The following TDRD3 variants were observed in gnomAD, a reference collection of about 807,000 sequenced individuals.
TDRD3 encodes the protein tudor domain-containing protein 3.
TDRD3 carries 45 observed loss-of-function variants against 86.7 expected under a neutral mutation model. The observed-to-expected ratio is 0.52, with a 90% confidence interval of 0.41 to 0.67. TDRD3 has a LOEUF of 0.67. TDRD3 is among the 30% of genes least tolerant of loss of function. TDRD3 has a pLI of 0.00. For missense variants in TDRD3, 814 were observed against 889.0 expected (o/e 0.92, Z 1.07); for synonymous variants, 298 against 301.7 (o/e 0.99, Z 0.13).
chr13:60,570,776 A>C (rs1958569473), intron 13 of TDRD3, among the ~76,000 whole-genome samples: 1 of 151,640 alleles, frequency 6.6e-6, no homozygotes, highest in Non-Finnish European at 1.5e-5. Flanking sequence ...GGGTGCAGCC[A>C]GATGAGGGGA....
chr13:60,457,215 A>T (rs1162643291), intron 3 of TDRD3, among the ~76,000 whole-genome samples: 1 of 152,172 alleles, frequency 6.6e-6, no homozygotes, highest in Non-Finnish European at 1.5e-5. Flanking sequence ...AGGCTTGATG[A>T]TTCAAATTAA....
At chr13:60,488,617 A>G (rs1956505783) in intron 7 of TDRD3, among the ~76,000 whole-genome samples, 1 of 151,912 alleles carries the variant, frequency 6.6e-6, no homozygotes, top group African/African-American at 2.4e-5. Flanking sequence ...TCTGTTGCCC[A>G]GGGTGGAGTG....
chr13:60,493,257 A>T (rs1481271640), intron 7 of TDRD3, among the ~76,000 whole-genome samples: 1 of 152,140 alleles, frequency 6.6e-6, no homozygotes, highest in East Asian at 1.9e-4. Context: ...TATATAATTT[A>T]TATGTAAGAT....
At chr13:60,550,419 C>G (rs954133256) in intron 12 of TDRD3, among the ~76,000 whole-genome samples, 2 of 152,018 alleles carry the variant, frequency 1.3e-5, no homozygotes, top group Non-Finnish European at 2.9e-5. Flanking sequence ...TTACACTTTT[C>G]TTCTCAATAG....
chr13:60,476,122 T>C (rs1956181700), intron 5 of TDRD3, among the ~76,000 whole-genome samples: 1 of 152,178 alleles, frequency 6.6e-6, no homozygotes, highest in Non-Finnish European at 1.5e-5. Context: ...CCAAGGCTAG[T>C]CTCAAGAAGG....
intron 12 of TDRD3, among the ~76,000 whole-genome samples, chr13:60,548,234 A>G (rs541993182): frequency 2.0e-5 from 3 of 152,304 alleles, no homozygotes; most frequent in African/African-American, 7.2e-5. Flanking sequence ...ATTAAGTCCT[A>G]GCCCACCCTC....
At chr13:60,559,211 G>C (rs9528160) in intron 12 of TDRD3, among the ~76,000 whole-genome samples, 20,815 of 152,018 alleles carry the variant, frequency 0.14, 1,676 homozygotes, top group South Asian at 0.2. Context: ...AAACCTCTGA[G>C]GTCATTACTA....
intron 12 of TDRD3, chr13:60,547,192 C>CA (rs757925968): frequency 2.1e-5 from 20 of 964,606 alleles, no homozygotes; most frequent in African/African-American, 5.3e-5. Flanking sequence ...AAAGTATAAC[C>CA]AAAAAAAATC....
chr13:60,433,866 G>C (rs540649318), intron 1 of TDRD3, among the ~76,000 whole-genome samples: 17 of 152,226 alleles, frequency 1.1e-4, no homozygotes, highest in African/African-American at 4.1e-4. Context: ...TAGATTCACC[G>C]ATTTTACCTG....
intron 1 of TDRD3, among the ~76,000 whole-genome samples, chr13:60,415,167 T>G (rs1427060645): frequency 6.6e-6 from 1 of 152,068 alleles, no homozygotes; most frequent in Non-Finnish European, 1.5e-5. Context: ...TAACAGTGTT[T>G]AGGGAACTAG....
chr13:60,446,136 C>T (rs927325861), intron 3 of TDRD3, among the ~76,000 whole-genome samples: 1 of 152,102 alleles, frequency 6.6e-6, no homozygotes, highest in Admixed American at 6.6e-5. Context: ...TCTGCTTGCT[C>T]TTCCTCATTG....
rs998265185 is a variant in TDRD3 at position 60,514,621 on chromosome 13, A to G, written c.1141+3866A>G. 5.9e-5 allele frequency among the ~76,000 whole-genome samples: 9 copies of G among 152,286 alleles called. No homozygotes were observed. The South Asian group carries it at 8.3e-4, about 14-fold the overall frequency. On this transcript the variant is annotated intron_variant, in intron 10 of 13. Coordinates refer to ENST00000377881, the MANE Select transcript of TDRD3 (RefSeq NM_001146070.2). ...GGGCAGTCCAAGTGGAGGGAGCACTATGTATACAGGCATGGAGGCATCAGA... is the reference window on the plus strand; with the variant it reads ...GGGCAGTCCAAGTGGAGGGAGCACTGTGTATACAGGCATGGAGGCATCAGA...
At chr13:60,561,925 A>AC (rs36079129) in intron 12 of TDRD3, among the ~76,000 whole-genome samples, 41,764 of 151,540 alleles carry the variant, frequency 0.28, 5,940 homozygotes, top group South Asian at 0.34. Flanking sequence ...TTAAAGTGGA[A>AC]TTTTTTTAAA....
chr13:60,439,083 GA>G (rs1443545326), intron 1 of TDRD3, among the ~76,000 whole-genome samples: 1 of 151,740 alleles, frequency 6.6e-6, no homozygotes, highest in African/African-American at 2.4e-5. Context: ...CTGGATAAAA[GA>G]AAAAAGGGCA....
At chr13:60,562,950 T>C (rs1029107445) in intron 12 of TDRD3, among the ~76,000 whole-genome samples, 1 of 152,058 alleles carries the variant, frequency 6.6e-6, no homozygotes, top group Non-Finnish European at 1.5e-5. Context: ...TAAAGTGGGC[T>C]AGGCATGGTG....
At chr13:60,543,480 A>C (rs1193822024) in intron 12 of TDRD3, among the ~76,000 whole-genome samples, 4 of 152,252 alleles carry the variant, frequency 2.6e-5, no homozygotes, top group African/African-American at 9.6e-5. Flanking sequence ...TCACGAAGTT[A>C]TTTTCTCATG....
chr13:60,522,628 T>G (rs1957314118), intron 10 of TDRD3, among the ~76,000 whole-genome samples: 1 of 152,204 alleles, frequency 6.6e-6, no homozygotes, highest in Non-Finnish European at 1.5e-5. Context: ...TATGTAGTCT[T>G]TCTTTTGCTA....
chr13:60,453,220 G>T (rs1955588194), intron 3 of TDRD3, among the ~76,000 whole-genome samples: 1 of 152,104 alleles, frequency 6.6e-6, no homozygotes. Flanking sequence ...AAAATGGGAA[G>T]AACTTACTGA....
chr13:60,499,671 C>A (rs1956792297), intron 8 of TDRD3, among the ~76,000 whole-genome samples: 1 of 152,182 alleles, frequency 6.6e-6, no homozygotes, highest in Non-Finnish European at 1.5e-5. Context: ...GGAAATAAAT[C>A]TGACTAAAAT....
Sources: gnomAD v4.1 joint callset for allele counts (sites outside exome capture counted in the v4.1 genomes callset) on GRCh38, gnomAD v4.1.1 for gene constraint, MANE v1.5 for transcripts, NCBI Gene and HGNC (gene_info 2026-07-23, HGNC 2026-07-21) for gene names.